Variants in LRRTM4 observed in about 807,000 individuals in gnomAD.
LRRTM4 encodes leucine rich repeat transmembrane neuronal 4, also known as leucine-rich repeat transmembrane neuronal protein 4.
In LRRTM4, 25 loss-of-function variants were observed where a neutral mutation model predicts 47.6. That is an observed-to-expected ratio of 0.53 (90% CI 0.38 to 0.73). The LOEUF (loss-of-function observed/expected upper bound fraction) is 0.73. LRRTM4 is among the 30% of genes least tolerant of loss of function. The pLI is 0.00. For missense variants in LRRTM4, 638 were observed against 713.4 expected (o/e 0.89, Z 1.20); for synonymous variants, 311 against 269.5 (o/e 1.15, Z -1.51).
chr2:77,351,976 G>T (rs1505226), intron 3 of LRRTM4, among the ~76,000 whole-genome samples: 112,385 of 151,930 alleles, frequency 0.74, 44,811 homozygotes, highest in Non-Finnish European at 0.89. Flanking sequence ...CTTTATTAAT[G>T]AAGTCACCTT....
At chr2:76,984,478 T>C (rs1676725905) in intron 3 of LRRTM4, among the ~76,000 whole-genome samples, 1 of 151,998 alleles carries the variant, frequency 6.6e-6, no homozygotes, top group Non-Finnish European at 1.5e-5. Flanking sequence ...CTTACCGATA[T>C]GTATGCATGG....
chr2:76,972,137 A>C (rs1338013451), intron 3 of LRRTM4, among the ~76,000 whole-genome samples: 2 of 152,136 alleles, frequency 1.3e-5, no homozygotes, highest in East Asian at 3.9e-4. Flanking sequence ...ATCTCCACAG[A>C]ATAGTTTGTC....
intron 3 of LRRTM4, among the ~76,000 whole-genome samples, chr2:76,897,105 T>C (rs1185343770): frequency 6.6e-6 from 1 of 152,090 alleles, no homozygotes; most frequent in Admixed American, 6.6e-5. Context: ...CTGCTGTCAA[T>C]GCTCCAATGA....
At chr2:77,418,033 T>A (rs981071789) in intron 3 of LRRTM4, among the ~76,000 whole-genome samples, 1 of 148,284 alleles carries the variant, frequency 6.7e-6, no homozygotes, top group Non-Finnish European at 1.5e-5. Flanking sequence ...AAAATTAGTT[T>A]AATGGCATAG....
intron 3 of LRRTM4, among the ~76,000 whole-genome samples, chr2:76,845,637 A>AT (rs1416877345): frequency 1.3e-5 from 2 of 152,186 alleles, no homozygotes; most frequent in African/African-American, 4.8e-5. Flanking sequence ...GTATTAAGGC[A>AT]TTTTTCTATT....
chr2:77,108,662 C>A lies in LRRTM4; in HGVS notation c.1552-359746G>T, dbSNP rs1671166069. ...GCAGTGGCGGGATCTGGGCTCACTG[C>A]AAGCTCCGCCTCCCGGGTTCACGCC... On this transcript the variant is annotated intron_variant, in intron 3 of 3. Transcript: ENST00000409884. Among the ~76,000 whole-genome samples, 4 of 150,314 alleles carry A rather than the reference C, an allele frequency of 2.7e-5. No homozygotes were observed. In the South Asian group the frequency reaches 8.4e-4, roughly 31 times the overall value.
chr2:77,234,591 G>T (rs1476175004), intron 3 of LRRTM4, among the ~76,000 whole-genome samples: 1 of 152,034 alleles, frequency 6.6e-6, no homozygotes, highest in Non-Finnish European at 1.5e-5. Flanking sequence ...AGATTTATAG[G>T]ATCATTTGGA....
chr2:77,011,575 G>A (rs1677877723), intron 3 of LRRTM4, among the ~76,000 whole-genome samples: 1 of 139,796 alleles, frequency 7.2e-6, no homozygotes, highest in African/African-American at 2.7e-5. Context: ...GTGTGTGTGT[G>A]TGTAGAATGA....
At chr2:77,319,547 C>T (rs556042523) in intron 3 of LRRTM4, among the ~76,000 whole-genome samples, 1 of 152,290 alleles carries the variant, frequency 6.6e-6, no homozygotes, top group African/African-American at 2.4e-5. Context: ...GTTCAGGAAC[C>T]AGGGAGTTTT....
At chr2:76,904,637 T>C (rs1350229166) in intron 3 of LRRTM4, among the ~76,000 whole-genome samples, 1 of 152,144 alleles carries the variant, frequency 6.6e-6, no homozygotes, top group Non-Finnish European at 1.5e-5. Context: ...CAGTGAGGAA[T>C]CTGCATCAAT....
At chr2:76,946,618 T>C (rs1181816663) in intron 3 of LRRTM4, among the ~76,000 whole-genome samples, 2 of 151,830 alleles carry the variant, frequency 1.3e-5, no homozygotes, top group Non-Finnish European at 2.9e-5. Flanking sequence ...AAAATCAGGA[T>C]AATAATTTCT....
At chr2:77,200,722 A>G (rs1673950122) in intron 3 of LRRTM4, among the ~76,000 whole-genome samples, 1 of 152,116 alleles carries the variant, frequency 6.6e-6, no homozygotes, top group South Asian at 2.1e-4. Context: ...GTGGATTCTT[A>G]GTATGTAGAA....
chr2:77,261,701 A>G (rs368626099), intron 3 of LRRTM4, among the ~76,000 whole-genome samples: 4 of 152,220 alleles, frequency 2.6e-5, no homozygotes, highest in South Asian at 4.1e-4. Flanking sequence ...AGGGTTCTCC[A>G]TCCTGGTCTA....
Position 77,255,860 on chromosome 2 carries a change from C to G in LRRTM4, c.1551+262458G>C, listed in dbSNP as rs1020879303. 7.3e-5 allele frequency among the ~76,000 whole-genome samples: 11 copies of G among 151,714 alleles called. 1 individual carries two copies. The highest frequency in any genetic ancestry group is 2.6e-4 in the Admixed American group (4 of 15,218). On this transcript the variant is annotated intron_variant, in intron 3 of 3. Coordinates refer to ENST00000409884, the MANE Select transcript of LRRTM4 (RefSeq NM_001134745.3). The stretch of plus-strand genomic sequence containing the variant: ...CAATCTAAATTCCCACATTAAGGAA[C>G]TAGAAAAAGAAAAGCAAAATAAACC...
intron 3 of LRRTM4, among the ~76,000 whole-genome samples, chr2:77,082,811 T>TA (rs1187438845): frequency 2.0e-5 from 3 of 152,030 alleles, no homozygotes; most frequent in Non-Finnish European, 4.4e-5. Context: ...TTTGCTCTTT[T>TA]AAAAAAAGAC....
At chr2:76,863,254 T>C (rs1420592984) in intron 3 of LRRTM4, among the ~76,000 whole-genome samples, 3 of 152,192 alleles carry the variant, frequency 2.0e-5, no homozygotes, top group African/African-American at 7.2e-5. Flanking sequence ...ATAAGTAAGG[T>C]ACTTATGACT....
At chr2:77,075,792 G>A (rs373560548) in intron 3 of LRRTM4, among the ~76,000 whole-genome samples, 5,676 of 147,872 alleles carry the variant, frequency 0.038, 221 homozygotes, top group African/African-American at 0.092. Flanking sequence ...GCGGGCGCCT[G>A]TAGTCCCAGC....
At chr2:77,470,202 A>G (rs528129111) in intron 3 of LRRTM4, among the ~76,000 whole-genome samples, 2 of 152,282 alleles carry the variant, frequency 1.3e-5, no homozygotes, top group South Asian at 4.1e-4. Context: ...TCAGGATTAC[A>G]TATCATATGA....
intron 3 of LRRTM4, among the ~76,000 whole-genome samples, chr2:76,894,963 T>A (rs907442649): frequency 2.2e-4 from 34 of 151,776 alleles, no homozygotes; most frequent in Middle Eastern, 3.4e-3. Context: ...CAATAAAGTA[T>A]AATATAGCAG....
Sources: allele counts gnomAD v4.1 joint callset (sites outside exome capture counted in the v4.1 genomes callset), GRCh38; gene constraint gnomAD v4.1.1; transcripts MANE v1.5; gene names NCBI Gene and HGNC (gene_info 2026-07-23, HGNC 2026-07-21).